The following FBN3 variants were observed in gnomAD, a reference collection of about 807,000 sequenced individuals.
FBN3 encodes the protein fibrillin 3, also known as fibrillin-3.
FBN3 carries 234 observed loss-of-function variants against 330.1 expected under a neutral mutation model. That is an observed-to-expected ratio of 0.71 (90% CI 0.64 to 0.79). The LOEUF (loss-of-function observed/expected upper bound fraction) is 0.79. Ranked by LOEUF, FBN3 falls within the 30% of genes least tolerant of loss-of-function variation. The pLI is 0.00. For missense variants in FBN3, 3,606 were observed against 3,886.9 expected, an observed-to-expected ratio of 0.93 and a Z score of 1.92; for synonymous variants, 1,458 against 1,517.3, an observed-to-expected ratio of 0.96 and a Z score of 0.91.
intron 26 of FBN3, among the ~76,000 whole-genome samples, chr19:8,118,059 AC>A (rs1206310376): frequency 2.7e-4 from 41 of 151,586 alleles, no homozygotes; most frequent in Non-Finnish European, 1.2e-4. Flanking sequence ...ACACATACAC[AC>A]ACACCCATGT....
At chr19:8,113,276 T>C (rs2082631224) in intron 30 of FBN3, among the ~76,000 whole-genome samples, 1 of 152,130 alleles carries the variant, frequency 6.6e-6, no homozygotes, top group South Asian at 2.1e-4. Flanking sequence ...AACACTTTTT[T>C]TTCCCCCTGA....
Position 8,072,080 on chromosome 19 carries a change from G to A in FBN3, c.8056C>T (p.Arg2686Trp), listed in dbSNP as rs149393183. The change falls in exon 63 of 64, where the codon CGG (arginine) becomes TGG (tryptophan). Residue 2686 changes from arginine (R) to tryptophan (W), a missense_variant. Arg to Trp is a moderately radical substitution (Grantham distance 101, BLOSUM62 -3). Transcript: ENST00000600128. Reference protein sequence around the residue: ...CKINGLSPRDRPRRSAHRDHQ... With the variant: ...CKINGLSPRDWPRRSAHRDHQ... ...TCCCTGTGGGCACTGCGTCGTGGCC[G>A]GTCCCGAGGGGAGAGGCCATTGATC... 16 of 1,612,398 alleles carry A rather than the reference G, an allele frequency of 9.9e-6. 1 individual carries two copies. The highest frequency in any genetic ancestry group is 4.5e-5 in the East Asian group (2 of 44,788).
At chr19:8,100,151 C>T (rs570702891) in intron 41 of FBN3, among the ~76,000 whole-genome samples, 2 of 152,090 alleles carry the variant, frequency 1.3e-5, no homozygotes, top group African/African-American at 4.8e-5. Flanking sequence ...TCCCTAGAAC[C>T]GTCAGATTCA....
Position 8,131,417 on chromosome 19 carries a change from G to T in FBN3, c.1991-129C>A. The T allele has an allele frequency of 6.9e-7, 1 of 1,449,452 alleles. No individual in the cohort carries two copies. Among genetic ancestry groups the T allele is most frequent in the Non-Finnish European group, 9.5e-7 (1 of 1,054,030 alleles). 89.8% of individuals were successfully genotyped at this position (1,449,452 alleles called of 1,614,324 possible). On this transcript the variant is annotated intron_variant, in intron 15 of 63. Coordinates refer to ENST00000600128, the MANE Select transcript of FBN3 (RefSeq NM_032447.5). This position sits in a 1 kb window ranked among gnomAD's most constrained non-coding sequence, Gnocchi z 4.5. The stretch of plus-strand genomic sequence containing the variant: ...GACTAAGACACAACTCCAACCCCGG[G>T]GAGGGAGCAACTCCCTTCAGCCTCT...
chr19:8,135,936 G>GGGGGGGGGGGGGGCGCCCCCCCCCCCCCC, intron 13 of FBN3, 25 bp downstream of exon 13: 3 of 668,778 alleles, frequency 4.5e-6, no homozygotes, highest in Admixed American at 2.9e-5. Flanking sequence ...GGAAGCCCCT[G>GGGGGGGGGGGGGGCGCCCCCCCCCCCCCC]CCCACCCGCC....
chr19:8,087,327 G>A, intron 53 of FBN3, 116 bp from the exon 54 acceptor site: 3 of 1,152,882 alleles, frequency 2.6e-6, no homozygotes, highest in Non-Finnish European at 3.5e-6. Flanking sequence ...TGCAGACCCT[G>A]TCAAATGTCT....
chr19:8,123,309 G>C (rs1479148802), intron 24 of FBN3, among the ~76,000 whole-genome samples, 155 bp downstream of exon 24: 1 of 151,878 alleles, frequency 6.6e-6, no homozygotes, highest in Non-Finnish European at 1.5e-5. Flanking sequence ...AGCCGAGATC[G>C]TGCCATTGCA....
chr19:8,121,941 G>A lies in FBN3; in HGVS notation c.3083-555C>T, dbSNP rs370446790. Among the ~76,000 whole-genome samples the A allele has an allele frequency of 1.3e-3, 191 of 151,842 alleles. No homozygotes were observed. Among genetic ancestry groups the A allele is most frequent in the African/African-American group, 4.3e-3 (178 of 41,408 alleles). ...ATTTTGTATTTTTAGTAGAGATGGT[G>A]TTTCGCCATGTTGGCCAGGCTGGTC... On this transcript the variant is annotated intron_variant, in intron 24 of 63. Coordinates refer to ENST00000600128, the MANE Select transcript of FBN3 (RefSeq NM_032447.5). The surrounding 1 kb of genome is among the most constrained non-coding windows in gnomAD (Gnocchi z 4.5).
At chr19:8,071,897 TA>T in intron 63 of FBN3, 150 bp downstream of exon 63, 1 of 783,606 alleles carries the variant, frequency 1.3e-6, no homozygotes, top group Non-Finnish European at 2.0e-6. Context: ...AAGAAGGCCC[TA>T]AGCCGGCACC....
Position 8,066,124 on chromosome 19 carries a change from A to T in FBN3, c.8225T>A (p.Val2742Asp), listed in dbSNP as rs747732485. 1.2e-6 allele frequency: 2 copies of T among 1,613,532 alleles called. No homozygotes were observed. The highest frequency in any genetic ancestry group is 1.1e-5 in the South Asian group (1 of 91,082). Reference protein sequence around the residue: ...GLEGRIRYVIVRGNEQGFFRM... With the variant: ...GLEGRIRYVIDRGNEQGFFRM... ...AAAGAAACCTTGCTCGTTTCCGCGG[A>T]CGATGACGTAGCGGATCCGGCCCTC... Residue 2742 changes from valine (V) to aspartate (D), a missense_variant, in exon 64 of 64, where the codon GTC becomes GAC. Val to Asp is a radical substitution (Grantham distance 152). Transcript: ENST00000600128.
intron 6 of FBN3, among the ~76,000 whole-genome samples, chr19:8,143,497 C>CTTTT (rs557671451): frequency 0.25 from 31,370 of 125,620 alleles, 4,359 homozygotes; most frequent in South Asian, 0.45. Context: ...CTTTTCTTTT[C>CTTTT]TTTTTTTTTT....
chr19:8,110,449 A>G (rs1378097309), intron 34 of FBN3, among the ~76,000 whole-genome samples: 1 of 152,214 alleles, frequency 6.6e-6, no homozygotes, highest in Non-Finnish European at 1.5e-5. Context: ...TTGTGTCAAT[A>G]AAGTTTTATT....
In FBN3 at chr19:8,096,804, A is replaced by G; in HGVS notation, c.5413+77T>C. ...AGTATAGAAAAGGAGAAAGACCTGG[A>G]CAGAGCCATACCCCATCTAAGTCCC... On this transcript the variant is annotated intron_variant, in intron 43 of 63. Coordinates refer to ENST00000600128, the MANE Select transcript of FBN3 (RefSeq NM_032447.5). This position sits in a 1 kb window ranked among gnomAD's most constrained non-coding sequence, Gnocchi z 4.6. 6.5e-7 allele frequency: 1 copy of G among 1,529,546 alleles called. No individual in the cohort carries two copies. The highest frequency in any genetic ancestry group is 8.9e-7 in the Non-Finnish European group (1 of 1,123,948). The allele number at this position is 1,529,546 out of a possible 1,614,324, so 94.7% of individuals were successfully genotyped here.
intron 48 of FBN3, 88 bp downstream of exon 48, chr19:8,091,377 A>G: frequency 6.5e-7 from 1 of 1,530,040 alleles, no homozygotes; most frequent in South Asian, 1.2e-5. Context: ...AAAGGGTCAC[A>G]CAAGAAACCA....
intron 13 of FBN3, 25 bp downstream of exon 13, chr19:8,135,936 G>GGGGGGGGGGGGGGGGGGCCCC: frequency 2.5e-5 from 17 of 668,748 alleles, no homozygotes; most frequent in Non-Finnish European, 3.4e-5. Context: ...GGAAGCCCCT[G>GGGGGGGGGGGGGGGGGGCCCC]CCCACCCGCC....
intron 53 of FBN3, among the ~76,000 whole-genome samples, chr19:8,087,565 T>A (rs2081991362): frequency 6.6e-6 from 1 of 151,668 alleles, no homozygotes; most frequent in Admixed American, 6.6e-5. Flanking sequence ...GAAAGTTCTT[T>A]GCGGTGGGCG....
chr19:8,098,871 T>C (rs1210737452), intron 41 of FBN3, among the ~76,000 whole-genome samples: 1 of 151,902 alleles, frequency 6.6e-6, no homozygotes, highest in African/African-American at 2.4e-5. Flanking sequence ...CAAGTGTCCA[T>C]CAAAAGGAGA....
At position 8,083,179 on chromosome 19, in the gene FBN3, GAGTTCAGGGGCTGC is replaced by G. The variant is rs112007064; in HGVS notation, c.7213+54_7213+67del. The G allele has an allele frequency of 2.4e-5, 38 of 1,583,912 alleles. 1 individual carries two copies. Among genetic ancestry groups the G allele is most frequent in the African/African-American group, 2.1e-4 (16 of 74,464 alleles). On this transcript the variant is annotated intron_variant, in intron 57 of 63. Transcript: ENST00000600128. ...CAAAGTGGAAAGTCTCAGGGAAGTT[GAGTTCAGGGGCTGC>G]ACAGAAGGTGGCCAGGCTGGGCCAA...
chr19:8,110,427 T>C (rs912092339), intron 34 of FBN3, among the ~76,000 whole-genome samples: 1 of 152,164 alleles, frequency 6.6e-6, no homozygotes, highest in Non-Finnish European at 1.5e-5. Context: ...TCAAATCCGG[T>C]CCACCACCTG....
Sources: gnomAD v4.1 joint callset for allele counts (sites outside exome capture counted in the v4.1 genomes callset) on GRCh38, gnomAD v4.1.1 for gene constraint, Gnocchi (gnomAD v3.1) non-coding constraint, MANE v1.5 for transcripts, NCBI Gene and HGNC (gene_info 2026-07-23, HGNC 2026-07-21) for gene names.